Variants in NCS1 observed in about 807,000 individuals in gnomAD.
NCS1 encodes the protein frequenin homolog.
A neutral mutation model predicts 28.4 loss-of-function variants in NCS1; 6 were observed. The observed-to-expected ratio is 0.21, with a 90% CI of 0.12 to 0.42. The LOEUF is 0.42. Ranked by LOEUF, NCS1 falls within the 10% of genes least tolerant of loss-of-function variation. The pLI is 1.00. For missense variants in NCS1, 131 were observed against 241.4 expected (o/e 0.54, Z 3.03); for synonymous variants, 86 against 99.3 (o/e 0.87, Z 0.79).
intron 3 of NCS1, among the ~76,000 whole-genome samples, chr9:130,218,755 T>C (rs916204799): frequency 1.3e-5 from 2 of 152,150 alleles, no homozygotes; most frequent in African/African-American, 4.8e-5. Context: ...CACACCTGGC[T>C]AATTTTTGTA....
At chr9:130,206,700 G>A (rs1336381614) in intron 2 of NCS1, among the ~76,000 whole-genome samples, 4 of 152,122 alleles carry the variant, frequency 2.6e-5, no homozygotes, top group African/African-American at 4.8e-5. Flanking sequence ...GTGAGCCACC[G>A]CGCCCGGCCC....
Position 130,234,412 on chromosome 9 carries a change from G to A in NCS1, c.*1440G>A, listed in dbSNP as rs781919353. On this transcript the variant is annotated 3_prime_UTR_variant, in exon 8 of 8. Transcript: ENST00000372398. The surrounding 1 kb of genome is among the most constrained non-coding windows in gnomAD (Gnocchi z 6.1). ...GGTGCGGCCCCAGGACCATCACCAG[G>A]AATGCGAGGCCACCCTGGACCAGAG... 2.6e-5 allele frequency: 4 copies of A among 152,306 alleles called. No individual in the cohort carries two copies. The highest frequency in any genetic ancestry group is 6.5e-5 in the Admixed American group (1 of 15,282). 9.4% of individuals were successfully genotyped at this position (152,306 alleles called of 1,614,324 possible).
In NCS1 at chr9:130,200,703, G is replaced by A. The variant is rs115473439; in HGVS notation, c.65-255G>A. On this transcript the variant is annotated intron_variant, in intron 1 of 7. Transcript: ENST00000372398. ...CGTTCCTGGGGGCTCTCCCAGCAGC[G>A]GCAGTGGCAGTGGCAGGTAGCACTT... 414 of 1,522,126 alleles carry A rather than the reference G, an allele frequency of 2.7e-4. 3 individuals are homozygous for A. In the African/African-American group the frequency reaches 4.8e-3, roughly 18 times the overall value. 94.3% of individuals were successfully genotyped at this position (1,522,126 alleles called of 1,614,324 possible). A position where few individuals can be genotyped will look rare whatever the true frequency, so the allele number is the denominator to read the frequency against.
In NCS1 at chr9:130,215,575, G is replaced by C. The variant is rs1020817161; in HGVS notation, c.90-2257G>C. On this transcript the variant is annotated intron_variant, in intron 2 of 7. Transcript: ENST00000372398. This position sits in a 1 kb window ranked among gnomAD's most constrained non-coding sequence, Gnocchi z 4.2. ...GGACAGGAGAGGCAGGGCGGGCTCCGAGTCTCACGCATTGCTGTGGATGAA... is the reference window on the plus strand; with the variant it reads ...GGACAGGAGAGGCAGGGCGGGCTCCCAGTCTCACGCATTGCTGTGGATGAA... Among the ~76,000 whole-genome samples the C allele has an allele frequency of 6.6e-6, 1 of 152,172 alleles. No homozygotes were observed. Among genetic ancestry groups the C allele is most frequent in the Non-Finnish European group, 1.5e-5 (1 of 68,024 alleles).
chr9:130,205,781 CTATGAT>C (rs1833016473), intron 2 of NCS1, among the ~76,000 whole-genome samples: 1 of 151,126 alleles, frequency 6.6e-6, no homozygotes, highest in African/African-American at 2.4e-5. Flanking sequence ...CTGCAGTGAG[CTATGAT>C]TGTGTCACTG....
In NCS1 at chr9:130,186,893, AG is replaced by A. The variant is rs1333679701; in HGVS notation, c.65-14061del. Among the ~76,000 whole-genome samples, 1 of 152,186 alleles carries A rather than the reference AG, an allele frequency of 6.6e-6. No individual in the cohort carries two copies. The highest frequency in any genetic ancestry group is 1.5e-5 in the Non-Finnish European group (1 of 68,042). The stretch of plus-strand genomic sequence containing the variant: ...TGTGCTCAGCCTGGCTCCAAGCACG[AG>A]GGGCACTGACGAGCGATTGAGCAGC... On this transcript the variant is annotated intron_variant, in intron 1 of 7. Transcript: ENST00000372398. This position sits in a 1 kb window ranked among gnomAD's most constrained non-coding sequence, Gnocchi z 4.1.
chr9:130,225,732 T>C (rs893059895), intron 6 of NCS1, among the ~76,000 whole-genome samples: 1 of 152,250 alleles, frequency 6.6e-6, no homozygotes, highest in South Asian at 2.1e-4. Context: ...GAGCGATCCC[T>C]GAGCACAGCT....
chr9:130,225,044 T>C (rs1833391761), intron 6 of NCS1, among the ~76,000 whole-genome samples: 1 of 152,028 alleles, frequency 6.6e-6, no homozygotes, highest in Non-Finnish European at 1.5e-5. Flanking sequence ...ATACAAAAAT[T>C]AGCCGGGTGT....
chr9:130,224,829 A>G (rs533863214), intron 6 of NCS1, among the ~76,000 whole-genome samples: 1 of 152,354 alleles, frequency 6.6e-6, no homozygotes, highest in South Asian at 2.1e-4. Flanking sequence ...ACTTAAAACT[A>G]AAATAACTTA....
At position 130,219,651 on chromosome 9, in the gene NCS1, C is replaced by A; in HGVS notation, c.229-74C>A. The A allele has an allele frequency of 2.8e-6, 4 of 1,422,400 alleles. No individual in the cohort carries two copies. The highest frequency in any genetic ancestry group is 4.0e-6 in the Non-Finnish European group (4 of 1,010,648). 88.1% of individuals were successfully genotyped at this position (1,422,400 alleles called of 1,614,324 possible). On this transcript the variant is annotated intron_variant, in intron 3 of 7. Coordinates refer to ENST00000372398, the MANE Select transcript of NCS1 (RefSeq NM_014286.4). The surrounding 1 kb of genome is among the most constrained non-coding windows in gnomAD (Gnocchi z 5.7). ...GTCTGGAGCCTGCGACTGCCCCTCGCCCGTCCCGAGGTTCAGCCTGACCCG... is the reference window on the plus strand; with the variant it reads ...GTCTGGAGCCTGCGACTGCCCCTCGACCGTCCCGAGGTTCAGCCTGACCCG...
intron 7 of NCS1, among the ~76,000 whole-genome samples, chr9:130,231,131 A>G (rs1449350036): frequency 1.3e-5 from 2 of 151,930 alleles, no homozygotes; most frequent in Non-Finnish European, 2.9e-5. Flanking sequence ...TGTGTGGATC[A>G]CTTGAGCCAA....
Position 130,235,796 on chromosome 9 carries a change from C to T in NCS1, c.*2824C>T, listed in dbSNP as rs567407980. On this transcript the variant is annotated 3_prime_UTR_variant, in exon 8 of 8. Coordinates refer to ENST00000372398, the MANE Select transcript of NCS1 (RefSeq NM_014286.4). ...CCAGGTGCCTCCTGAGCAGCCCGTG[C>T]GCCTCTCCACAGCGGCGTTTGCCAC... The T allele has an allele frequency of 6.6e-5, 10 of 152,578 alleles. No individual in the cohort carries two copies. In the South Asian group the frequency reaches 8.3e-4, roughly 13 times the overall value. The allele number at this position is 152,578 out of a possible 1,614,324, so 9.5% of individuals were successfully genotyped here.
chr9:130,219,673 C>G lies in NCS1; in HGVS notation c.229-52C>G. 6 of 1,575,756 alleles carry G rather than the reference C, an allele frequency of 3.8e-6. No homozygotes were observed. In the South Asian group the frequency reaches 6.6e-5, roughly 17 times the overall value. ...TCGCCCGTCCCGAGGTTCAGCCTGA[C>G]CCGGTGGCCTGGCCGGCACTGACTG... On this transcript the variant is annotated intron_variant, in intron 3 of 7. Coordinates refer to ENST00000372398, the MANE Select transcript of NCS1 (RefSeq NM_014286.4). This position sits in a 1 kb window ranked among gnomAD's most constrained non-coding sequence, Gnocchi z 5.7.
chr9:130,199,096 CTCT>C (rs1588114892), intron 1 of NCS1, among the ~76,000 whole-genome samples: 1 of 56,220 alleles, frequency 1.8e-5, no homozygotes, highest in East Asian at 1.0e-3. Flanking sequence ...TTCTCTCTTT[CTCT>C]TTTTTTTTTT....
rs532004055 is a variant in NCS1 at position 130,236,665 on chromosome 9, C to G, written c.*3693C>G. 1 of 152,306 alleles carries G rather than the reference C, an allele frequency of 6.6e-6. No homozygotes were observed. Among genetic ancestry groups the G allele is most frequent in the Non-Finnish European group, 1.5e-5 (1 of 68,028 alleles). The allele number at this position is 152,306 out of a possible 1,614,324, so 9.4% of individuals were successfully genotyped here. Reference sequence around the variant, plus strand: ...TCTTCTGTCTTGGCATCTTAGCATCCAGGCTCAGGCTCTGCCCCTTCTCCA... The same window carrying G: ...TCTTCTGTCTTGGCATCTTAGCATCGAGGCTCAGGCTCTGCCCCTTCTCCA... On this transcript the variant is annotated 3_prime_UTR_variant, in exon 8 of 8. Transcript: ENST00000372398.
rs1833175123 is a variant in NCS1, at chr9:130,215,795, G to C, written c.90-2037G>C. On this transcript the variant is annotated intron_variant, in intron 2 of 7. Transcript: ENST00000372398. The surrounding 1 kb of genome is among the most constrained non-coding windows in gnomAD (Gnocchi z 4.2). Reference sequence around the variant, plus strand: ...ACCCTTCAAGGTGTTCTGGGGTGGGGACAGGGAAAGGTGCAGAGGGCTGGC... The same window carrying C: ...ACCCTTCAAGGTGTTCTGGGGTGGGCACAGGGAAAGGTGCAGAGGGCTGGC... Among the ~76,000 whole-genome samples the C allele has an allele frequency of 6.6e-6, 1 of 152,180 alleles. No homozygotes were observed. Among genetic ancestry groups the C allele is most frequent in the African/African-American group, 2.4e-5 (1 of 41,442 alleles).
intron 1 of NCS1, among the ~76,000 whole-genome samples, chr9:130,178,515 T>C (rs1832606944): frequency 1.3e-5 from 2 of 152,050 alleles, no homozygotes; most frequent in South Asian, 4.1e-4. Flanking sequence ...TTAAACCCCT[T>C]TGGGGCAAGG....
chr9:130,230,171 T>G (rs970872417), intron 7 of NCS1, among the ~76,000 whole-genome samples: 7 of 152,036 alleles, frequency 4.6e-5, no homozygotes, highest in East Asian at 3.9e-4. Flanking sequence ...GGCAACATGG[T>G]GAAACCCCGT....
chr9:130,185,962 C>T lies in NCS1; in HGVS notation c.64+13235C>T, dbSNP rs868993794. 4.6e-5 allele frequency among the ~76,000 whole-genome samples: 7 copies of T among 152,356 alleles called. No homozygotes were observed. In the South Asian group the frequency reaches 1.0e-3, roughly 23 times the overall value. On this transcript the variant is annotated intron_variant, in intron 1 of 7. Transcript: ENST00000372398. ...CTGAGCGAAGCCTGCCTAGGTGCCCCGGCCATGATTCCCCAGCTCAGGTTC... is the reference window on the plus strand; with the variant it reads ...CTGAGCGAAGCCTGCCTAGGTGCCCTGGCCATGATTCCCCAGCTCAGGTTC...
Sources: gnomAD v4.1 joint callset for allele counts (sites outside exome capture counted in the v4.1 genomes callset) on GRCh38, gnomAD v4.1.1 for gene constraint, Gnocchi (gnomAD v3.1) non-coding constraint, MANE v1.5 for transcripts, NCBI Gene and HGNC (gene_info 2026-07-23, HGNC 2026-07-21) for gene names.